The following ZPBP variants were observed in gnomAD, a reference collection of about 807,000 sequenced individuals.
The protein encoded by ZPBP is zona pellucida-binding protein 1.
ZPBP carries 26 observed loss-of-function variants against 44.8 expected under a neutral mutation model. The observed-to-expected ratio is 0.58, with a 90% CI of 0.43 to 0.81. The LOEUF (loss-of-function observed/expected upper bound fraction) is 0.81, where lower values mean the gene tolerates loss of function less well. Among genes scored for constraint, ZPBP ranks in the 30% least tolerant of loss-of-function variants. The pLI, the probability that ZPBP is intolerant of heterozygous loss-of-function variation, is 0.00. For synonymous variants in ZPBP, 174 were observed against 153.2 expected (o/e 1.14, Z -1.00); for missense variants, 409 against 434.0 (o/e 0.94, Z 0.51).
chr7:50,078,384 C>T (rs1416093308), intron 3 of ZPBP, among the ~76,000 whole-genome samples: 3 of 151,426 alleles, frequency 2.0e-5, no homozygotes, highest in East Asian at 1.9e-4. Context: ...ATTAAAATAA[C>T]TTAAAGAATG....
chr7:49,891,537 A>T (rs908042373), intron 2 of ZPBP, among the ~76,000 whole-genome samples: 3 of 152,226 alleles, frequency 2.0e-5, no homozygotes, highest in African/African-American at 4.8e-5. Context: ...CCAAACAATC[A>T]GTCATCAAGG....
At chr7:50,082,579 T>C (rs1337119378) in intron 2 of ZPBP, among the ~76,000 whole-genome samples, 1 of 151,790 alleles carries the variant, frequency 6.6e-6, no homozygotes, top group Admixed American at 6.6e-5. Flanking sequence ...ATGCCAACTC[T>C]TCACTGATAC....
At chr7:50,090,625 G>GTATA (rs1363833060) in intron 1 of ZPBP, among the ~76,000 whole-genome samples, 4,726 of 150,892 alleles carry the variant, frequency 0.031, 94 homozygotes, top group Middle Eastern at 0.059. Context: ...GTATATATGT[G>GTATA]TATATATATA....
At chr7:49,912,130 C>A in intron 1 of ZPBP, 1 of 1,614,060 alleles carries the variant, frequency 6.2e-7, no homozygotes, top group Non-Finnish European at 8.5e-7. Flanking sequence ...GAGGAAGGCA[C>A]ATGGAGAATC....
At chr7:50,018,987 T>C (rs1485553340) in intron 5 of ZPBP, among the ~76,000 whole-genome samples, 1 of 152,062 alleles carries the variant, frequency 6.6e-6, no homozygotes, top group African/African-American at 2.4e-5. Flanking sequence ...GAAATGTTCC[T>C]ATTGTACTAC....
At chr7:50,005,700 G>A (rs1798275310) in intron 6 of ZPBP, among the ~76,000 whole-genome samples, 1 of 151,794 alleles carries the variant, frequency 6.6e-6, no homozygotes, top group Non-Finnish European at 1.5e-5. Context: ...AAGGAAGAGA[G>A]TAAGGGAGGA....
Position 49,991,226 on chromosome 7 carries a change from A to G in ZPBP, c.784-7707T>C, listed in dbSNP as rs376823241. On this transcript the variant is annotated intron_variant, in intron 6 of 7. Coordinates refer to ENST00000046087, the MANE Select transcript of ZPBP (RefSeq NM_007009.3). ...GATTATTTTGATGCTCAGAATGCAA[A>G]TAAGAGATGGGGTGTACAGACTTTA... is the stretch of plus-strand genomic sequence containing the variant. Among the ~76,000 whole-genome samples the G allele has an allele frequency of 6.9e-4, 105 of 152,248 alleles. 1 individual carries two copies. Among genetic ancestry groups the G allele is most frequent in the African/African-American group, 2.3e-3 (97 of 41,572 alleles).
chr7:50,080,166 C>A (rs1422528230), intron 3 of ZPBP, among the ~76,000 whole-genome samples: 1 of 151,644 alleles, frequency 6.6e-6, no homozygotes, highest in Non-Finnish European at 1.5e-5. Context: ...CTTCTCTGTT[C>A]TTCAAACTTT....
chr7:49,955,039 C>T (rs1795516788), intron 7 of ZPBP, among the ~76,000 whole-genome samples: 1 of 151,830 alleles, frequency 6.6e-6, no homozygotes, highest in Non-Finnish European at 1.5e-5. Context: ...TTGGAGTTGA[C>T]CAGATATATG....
At chr7:50,041,895 G>A (rs1039030213) in intron 4 of ZPBP, among the ~76,000 whole-genome samples, 2 of 152,114 alleles carry the variant, frequency 1.3e-5, no homozygotes, top group Non-Finnish European at 2.9e-5. Flanking sequence ...GGAGCATGTT[G>A]TAATCAGATG....
intron 3 of ZPBP, among the ~76,000 whole-genome samples, chr7:50,073,078 C>T (rs1273607113): frequency 1.3e-5 from 2 of 151,916 alleles, no homozygotes; most frequent in African/African-American, 4.8e-5. Context: ...ATACCAGGGA[C>T]CAATCCTGGA....
chr7:49,938,649 G>T (rs1443429922), intron 7 of ZPBP, among the ~76,000 whole-genome samples: 1 of 152,200 alleles, frequency 6.6e-6, no homozygotes, highest in Non-Finnish European at 1.5e-5. Context: ...TGGATAAGGG[G>T]ATGGCTATCA....
intron 7 of ZPBP, among the ~76,000 whole-genome samples, chr7:49,973,561 A>G (rs1336928628): frequency 6.6e-6 from 1 of 152,140 alleles, no homozygotes; most frequent in Non-Finnish European, 1.5e-5. Flanking sequence ...AAGAAGATAT[A>G]CAAATGGCCA....
chr7:50,034,649 G>GA (rs796538868), intron 4 of ZPBP, among the ~76,000 whole-genome samples: 119 of 146,426 alleles, frequency 8.1e-4, no homozygotes, highest in African/African-American at 2.2e-3. Flanking sequence ...AACCAAATTT[G>GA]AAAAAAAAAA....
chr7:49,939,105 A>C (rs1382184223), intron 7 of ZPBP, among the ~76,000 whole-genome samples: 1 of 152,214 alleles, frequency 6.6e-6, no homozygotes, highest in Non-Finnish European at 1.5e-5. Context: ...TAAGCTTCCA[A>C]TGATGTTTCT....
chr7:49,900,824 A>C (rs1792684836), intron 2 of ZPBP, among the ~76,000 whole-genome samples: 1 of 151,868 alleles, frequency 6.6e-6, no homozygotes, highest in Non-Finnish European at 1.5e-5. Context: ...AAAACTAAAG[A>C]CTAATATTTC....
intron 7 of ZPBP, among the ~76,000 whole-genome samples, chr7:49,961,017 ATTGGCTTACAAAAGCCAACAAT>A (rs1795844202): frequency 6.6e-6 from 1 of 152,198 alleles, no homozygotes; most frequent in Non-Finnish European, 1.5e-5. Flanking sequence ...TATGGATACA[ATTGGCTTACAAAAGCCAACAAT>A]TTGGCTTTTC....
chr7:49,924,999 G>C (rs1210460687), intron 1 of ZPBP, among the ~76,000 whole-genome samples: 1 of 152,158 alleles, frequency 6.6e-6, no homozygotes, highest in Non-Finnish European at 1.5e-5. Flanking sequence ...CCCTCCTCCA[G>C]GTAAACAACT....
At chr7:50,091,136 C>T (rs1394446869) in intron 1 of ZPBP, among the ~76,000 whole-genome samples, 1 of 151,724 alleles carries the variant, frequency 6.6e-6, no homozygotes, top group African/African-American at 2.4e-5. Context: ...CTATTCATGT[C>T]CTTAGCCCAC....
Sources: allele counts gnomAD v4.1 joint callset (sites outside exome capture counted in the v4.1 genomes callset), GRCh38; gene constraint gnomAD v4.1.1; transcripts MANE v1.5; gene names NCBI Gene and HGNC (gene_info 2026-07-23, HGNC 2026-07-21).